ARHGAP24: variants seen among roughly 807,000 people sequenced by gnomAD.
ARHGAP24 encodes the protein rho GTPase-activating protein 24.
In ARHGAP24, 50 loss-of-function variants were observed where a neutral mutation model predicts 76.4. That is an observed-to-expected ratio of 0.65 (90% CI 0.52 to 0.83). The LOEUF (loss-of-function observed/expected upper bound fraction) is 0.83, where lower values mean the gene tolerates loss of function less well. ARHGAP24 is among the 40% of genes least tolerant of loss of function. The pLI is 0.00. For missense variants in ARHGAP24, 930 were observed against 914.2 expected, an observed-to-expected ratio of 1.02 and a Z score of -0.22; for synonymous variants, 345 against 323.3, an observed-to-expected ratio of 1.07 and a Z score of -0.72.
intron 2 of ARHGAP24, among the ~76,000 whole-genome samples, chr4:85,612,474 A>G (rs1157328908): frequency 7.1e-6 from 1 of 141,002 alleles, no homozygotes; most frequent in Non-Finnish European, 1.6e-5. Context: ...TAGCAAAAGC[A>G]TCCAAGTAGC....
chr4:85,894,983 AAAAAACAAAAC>A (rs1734075041), intron 3 of ARHGAP24, among the ~76,000 whole-genome samples: 6 of 21,336 alleles, frequency 2.8e-4, no homozygotes, highest in South Asian at 1.2e-3. Context: ...AAAAAAAAAA[AAAAAACAAAAC>A]AAAAAGCAAA....
intron 1 of ARHGAP24, among the ~76,000 whole-genome samples, chr4:85,561,744 C>T (rs1167835704): frequency 6.6e-6 from 1 of 152,092 alleles, no homozygotes; most frequent in Non-Finnish European, 1.5e-5. Flanking sequence ...ATGCATTCGA[C>T]ACGTAACTGT....
intron 1 of ARHGAP24, among the ~76,000 whole-genome samples, chr4:85,478,636 T>A (rs1406570543): frequency 6.6e-6 from 1 of 152,242 alleles, no homozygotes; most frequent in Non-Finnish European, 1.5e-5. Context: ...TTAAACTCTT[T>A]AGTATAGTTT....
chr4:85,513,373 C>A (rs890356996), intron 1 of ARHGAP24, among the ~76,000 whole-genome samples: 1 of 152,136 alleles, frequency 6.6e-6, no homozygotes, highest in Admixed American at 6.5e-5. Flanking sequence ...CATGGGGATT[C>A]CTGTTTCAGT....
intron 3 of ARHGAP24, among the ~76,000 whole-genome samples, chr4:85,842,875 G>A (rs999824071): frequency 1.3e-5 from 2 of 152,156 alleles, no homozygotes; most frequent in Non-Finnish European, 2.9e-5. Flanking sequence ...CACTTTGATG[G>A]TGGGGTGGTA....
At chr4:85,916,117 T>C (rs1049760024) in intron 3 of ARHGAP24, among the ~76,000 whole-genome samples, 11 of 152,176 alleles carry the variant, frequency 7.2e-5, no homozygotes, top group African/African-American at 2.7e-4. Context: ...CCATTCTAAC[T>C]GGTGTGAGAT....
Position 85,945,887 on chromosome 4 carries a change from G to T in ARHGAP24, c.599+3614G>T, listed in dbSNP as rs577815150. ...AAAGTAAAAAATAATTTACTATTCT[G>T]TATTGGTCTGTTTTCATGCTGCTGA... is the stretch of plus-strand genomic sequence containing the variant. On this transcript the variant is annotated intron_variant, in intron 5 of 9. Transcript: ENST00000395184. Among the ~76,000 whole-genome samples, 107 of 151,868 alleles carry T rather than the reference G, an allele frequency of 7.0e-4. 1 individual carries two copies. Among genetic ancestry groups the T allele is most frequent in the African/African-American group, 2.5e-3 (103 of 41,434 alleles).
intron 7 of ARHGAP24, chr4:85,975,390 A>G (rs758559568): frequency 2.9e-4 from 47 of 164,036 alleles, no homozygotes; most frequent in Non-Finnish European, 5.9e-4. Flanking sequence ...ATGAAAACAC[A>G]TATTTCACAT....
At chr4:85,778,490 A>G (rs1727390399) in intron 3 of ARHGAP24, among the ~76,000 whole-genome samples, 1 of 152,148 alleles carries the variant, frequency 6.6e-6, no homozygotes, top group African/African-American at 2.4e-5. Flanking sequence ...CGTGTGAGTG[A>G]CCTTATACAA....
chr4:85,648,247 C>A (rs1057122446), intron 2 of ARHGAP24, among the ~76,000 whole-genome samples: 4 of 152,054 alleles, frequency 2.6e-5, no homozygotes, highest in Non-Finnish European at 5.9e-5. Context: ...AGAAGTCCTG[C>A]CAAGATCTCC....
intron 9 of ARHGAP24, 37 bp from the exon 10 acceptor site, chr4:86,000,442 C>CGGGGG: frequency 2.5e-6 from 2 of 807,892 alleles, no homozygotes; most frequent in Non-Finnish European, 1.9e-6. Context: ...CTTACTCTTG[C>CGGGGG]GTCCCCACCC....
At chr4:85,920,920 A>G (rs1034443906) in intron 3 of ARHGAP24, among the ~76,000 whole-genome samples, 17 of 152,208 alleles carry the variant, frequency 1.1e-4, no homozygotes, top group African/African-American at 4.1e-4. Context: ...ACACTTATAC[A>G]CTGTTGGTGG....
At chr4:85,731,144 C>T (rs572509902) in intron 3 of ARHGAP24, among the ~76,000 whole-genome samples, 138 of 102,804 alleles carry the variant, frequency 1.3e-3, no homozygotes, top group Non-Finnish European at 1.8e-3. Flanking sequence ...AGGATTCACA[C>T]CCATCTGCGC....
At chr4:85,904,529 C>G (rs780910501) in intron 3 of ARHGAP24, among the ~76,000 whole-genome samples, 4 of 152,116 alleles carry the variant, frequency 2.6e-5, no homozygotes, top group Admixed American at 1.3e-4. Context: ...TTGAGAAATG[C>G]TACTAAATGA....
At chr4:85,633,348 A>G (rs1310802608) in intron 2 of ARHGAP24, among the ~76,000 whole-genome samples, 1 of 151,924 alleles carries the variant, frequency 6.6e-6, no homozygotes, top group African/African-American at 2.4e-5. Context: ...AAAGTTACCC[A>G]GTACAAATGA....
chr4:85,533,388 AC>A (rs1725345035), intron 1 of ARHGAP24, among the ~76,000 whole-genome samples: 2 of 152,058 alleles, frequency 1.3e-5, no homozygotes, highest in Non-Finnish European at 2.9e-5. Context: ...TATTATTTTT[AC>A]TTTTGATCTT....
chr4:85,587,722 A>G (rs1007142530), intron 2 of ARHGAP24, among the ~76,000 whole-genome samples: 23 of 151,990 alleles, frequency 1.5e-4, no homozygotes, highest in Admixed American at 3.9e-4. Flanking sequence ...ATAGACTAGG[A>G]CTCTTGGCTT....
intron 3 of ARHGAP24, among the ~76,000 whole-genome samples, chr4:85,871,181 G>A (rs557123807): frequency 1.1e-4 from 16 of 152,086 alleles, no homozygotes; most frequent in Admixed American, 6.6e-4. Flanking sequence ...ACTCTCTAGG[G>A]GTAGGAGGGC....
At chr4:85,957,206 A>G (rs1737969861) in intron 5 of ARHGAP24, among the ~76,000 whole-genome samples, 1 of 152,150 alleles carries the variant, frequency 6.6e-6, no homozygotes, top group Admixed American at 6.6e-5. Context: ...GATTTTAGCC[A>G]TTTCCATATA....
Sources: gnomAD v4.1 joint callset for allele counts (sites outside exome capture counted in the v4.1 genomes callset) on GRCh38, gnomAD v4.1.1 for gene constraint, MANE v1.5 for transcripts, NCBI Gene and HGNC (gene_info 2026-07-23, HGNC 2026-07-21) for gene names.